Variants in SNED1 observed in about 807,000 individuals in gnomAD.
The protein encoded by SNED1 is sushi, nidogen and EGF like domains 1.
A neutral mutation model predicts 166.7 loss-of-function variants in SNED1; 81 were observed. The ratio of observed to expected loss-of-function variants is 0.49; its 90% CI spans 0.41 to 0.58. SNED1 has a LOEUF of 0.58. Among genes scored for constraint, SNED1 ranks in the 20% least tolerant of loss-of-function variants. The pLI is 0.00. For synonymous variants in SNED1, 762 were observed against 822.0 expected (o/e 0.93, Z 1.25); for missense variants, 1,604 against 2,000.2 (o/e 0.80, Z 3.78).
chr2:241,035,124 C>T (rs1052455929), intron 4 of SNED1, among the ~76,000 whole-genome samples: 20 of 152,094 alleles, frequency 1.3e-4, no homozygotes, highest in South Asian at 4.1e-4. Context: ...CCCTACTCTC[C>T]CCTTATTCCC....
chr2:241,020,716 C>A (rs1056858446), intron 1 of SNED1, among the ~76,000 whole-genome samples: 1 of 152,174 alleles, frequency 6.6e-6, no homozygotes, highest in African/African-American at 2.4e-5. Flanking sequence ...CAGTAGCCAC[C>A]CCACCTTAAA....
Position 241,073,350 on chromosome 2 carries a change from G to A in SNED1, c.3902G>A (p.Ser1301Asn), listed in dbSNP as rs2125253783. ...SLALQLPEHGSKDIGNVPGNC... is the reference protein window; with the variant it reads ...SLALQLPEHGNKDIGNVPGNC... ...GCCCTCCAGCTCCCTGAACACGGCA[G>A]CAAGGACATCGGAAGTGAGTCAGCA... is the stretch of plus-strand genomic sequence containing the variant. Residue 1301 changes from serine (S) to asparagine (N), a missense_variant, in exon 27 of 32, where the codon AGC (serine) becomes AAC (asparagine). This residue lies in a region of SNED1 where 367 missense variants were observed against 379.4 expected (regional missense o/e 0.97). Coordinates refer to ENST00000310397, the MANE Select transcript of SNED1 (RefSeq NM_001080437.3). This position sits in a 1 kb window ranked among gnomAD's most constrained non-coding sequence, Gnocchi z 6.6. 6.4e-7 allele frequency: 1 copy of A among 1,571,618 alleles called. No homozygotes were observed. Among genetic ancestry groups the A allele is most frequent in the Non-Finnish European group, 8.6e-7 (1 of 1,159,504 alleles).
Position 241,088,369 on chromosome 2 carries a change from C to T in SNED1, c.4210C>T (p.Gln1404Ter). The change falls in exon 31 of 32, where the codon CAA becomes TAA. Residue 1404 changes from glutamine (Q) to a stop codon, truncating the protein, a stop_gained. Coordinates refer to ENST00000310397, the MANE Select transcript of SNED1 (RefSeq NM_001080437.3). LOFTEE classifies it high-confidence loss of function. ...TSLKKTPNRK[Q>*]SKSQTLEKS ...ACTTTTCTCTAATTATTTCAGGAAACAAAGTAAGAGTCAGACACTGGAGAA... is the reference window on the plus strand; with the variant it reads ...ACTTTTCTCTAATTATTTCAGGAAATAAAGTAAGAGTCAGACACTGGAGAA... 6.2e-7 allele frequency: 1 copy of T among 1,609,388 alleles called. No individual in the cohort carries two copies. The highest frequency in any genetic ancestry group is 8.5e-7 in the Non-Finnish European group (1 of 1,175,686).
intron 6 of SNED1, among the ~76,000 whole-genome samples, 194 bp downstream of exon 6, chr2:241,037,547 G>A (rs1466309284): frequency 6.6e-6 from 1 of 152,218 alleles, no homozygotes; most frequent in Non-Finnish European, 1.5e-5. Context: ...TAGGGGGCAG[G>A]AGCCATGACC....
chr2:241,054,768 G>A (rs948673937), intron 16 of SNED1, among the ~76,000 whole-genome samples: 1 of 152,212 alleles, frequency 6.6e-6, no homozygotes, highest in African/African-American at 2.4e-5. Context: ...TGAGTTGAAA[G>A]ATCAGCTTGA....
At chr2:241,089,406 A>AAAC in intron 31 of SNED1, 1 of 1,550,498 alleles carries the variant, frequency 6.4e-7, no homozygotes, top group Non-Finnish European at 8.7e-7. Flanking sequence ...GAACCTTTAA[A>AAAC]AACAAACAGA....
chr2:241,052,409 G>A lies in SNED1; in HGVS notation c.2024G>A (p.Arg675Gln), dbSNP rs768817338. 6.6e-5 allele frequency: 106 copies of A among 1,603,696 alleles called. No individual in the cohort carries two copies. The highest frequency in any genetic ancestry group is 8.2e-5 in the Non-Finnish European group (96 of 1,174,856). ...PCVNGGTCED[R>Q]DTDFFCHCQA... Reference sequence around the variant, plus strand: ...GTGAATGGGGGCACCTGCGAGGACCGGGACACGGATTTCTTCTGCCACTGC... The same window carrying A: ...GTGAATGGGGGCACCTGCGAGGACCAGGACACGGATTTCTTCTGCCACTGC... Residue 675 changes from arginine to glutamine, a missense_variant, in exon 15 of 32, where the codon CGG becomes CAG. Transcript: ENST00000310397.
intron 31 of SNED1, 147 bp downstream of exon 31, chr2:241,088,549 C>A (rs1001379056): frequency 2.9e-6 from 2 of 681,388 alleles, no homozygotes; most frequent in Non-Finnish European, 5.1e-6. Context: ...GTTACAGACT[C>A]CCGGGCAGGA....
Position 241,064,729 on chromosome 2 carries a change from C to T in SNED1, c.2600-115C>T. The T allele has an allele frequency of 1.4e-6, 1 of 700,962 alleles. No homozygotes were observed. Among genetic ancestry groups the T allele is most frequent in the Non-Finnish European group, 2.3e-6 (1 of 430,590 alleles). 43.4% of individuals were successfully genotyped at this position (700,962 alleles called of 1,614,324 possible). On this transcript the variant is annotated intron_variant, in intron 19 of 31. Transcript: ENST00000310397. The surrounding 1 kb of genome is among the most constrained non-coding windows in gnomAD (Gnocchi z 7.0). ...AGGGAGGCAGTAGCTGTCCTGTGCCCCCCGCCCCTCCACACCCACGCAGGA... is the reference window on the plus strand; with the variant it reads ...AGGGAGGCAGTAGCTGTCCTGTGCCTCCCGCCCCTCCACACCCACGCAGGA...
At chr2:241,031,491 C>T (rs1254261512) in intron 2 of SNED1, among the ~76,000 whole-genome samples, 1 of 152,240 alleles carries the variant, frequency 6.6e-6, no homozygotes, top group Non-Finnish European at 1.5e-5. Flanking sequence ...GCAGACAGCC[C>T]TGGACGAAGC....
At chr2:241,011,017 C>T (rs898015611) in intron 1 of SNED1, among the ~76,000 whole-genome samples, 5 of 152,032 alleles carry the variant, frequency 3.3e-5, no homozygotes, top group Admixed American at 3.3e-4. Context: ...CATCTCTACC[C>T]TGCAGACCCA....
At chr2:241,056,025 T>G (rs1424875582) in intron 16 of SNED1, among the ~76,000 whole-genome samples, 1 of 149,242 alleles carries the variant, frequency 6.7e-6, no homozygotes, top group African/African-American at 2.6e-5. Context: ...ACTGTTCTTA[T>G]ACGCACTATG....
At chr2:241,055,099 A>G (rs190649259) in intron 16 of SNED1, among the ~76,000 whole-genome samples, 17 of 151,806 alleles carry the variant, frequency 1.1e-4, no homozygotes, top group Admixed American at 9.8e-4. Context: ...CTTGGGTGAT[A>G]GAGTAAGACT....
upstream of SNED1, among the ~76,000 whole-genome samples, chr2:240,998,274 G>A (rs1287924893): frequency 6.6e-6 from 1 of 152,260 alleles, no homozygotes; most frequent in African/African-American, 2.4e-5. Flanking sequence ...GGTTCATTCA[G>A]GCACTGCCTG....
At chr2:241,042,140 G>A (rs927855228) in intron 8 of SNED1, among the ~76,000 whole-genome samples, 4 of 152,148 alleles carry the variant, frequency 2.6e-5, no homozygotes, top group African/African-American at 9.7e-5. Flanking sequence ...TGGTGCTCCT[G>A]AGGCAGGAGG....
intron 21 of SNED1, among the ~76,000 whole-genome samples, chr2:241,067,126 G>A (rs2062488134): frequency 6.6e-6 from 1 of 152,212 alleles, no homozygotes; most frequent in Admixed American, 6.5e-5. Flanking sequence ...AGCCCGCCCT[G>A]CCCGCTGCAG....
intron 12 of SNED1, among the ~76,000 whole-genome samples, chr2:241,050,606 T>G (rs1247101844): frequency 6.6e-6 from 1 of 152,214 alleles, no homozygotes. Flanking sequence ...CCCTGAAGTC[T>G]GAGCCCTGGA....
At chr2:241,066,224 G>A (rs552566991) in intron 21 of SNED1, among the ~76,000 whole-genome samples, 1 of 152,268 alleles carries the variant, frequency 6.6e-6, no homozygotes, top group Admixed American at 6.5e-5. Flanking sequence ...TGCAGGGGAG[G>A]CCCGGGTTGT....
chr2:241,067,819 A>G lies in SNED1; in HGVS notation c.3066A>G (p.Ser1022=). The change falls in exon 22 of 32, where the codon TCA becomes TCG. Residue 1022 remains serine (S), a synonymous_variant. Transcript: ENST00000310397. ...EVTNVTASTI[S]VQWALHRIRH... The stretch of plus-strand genomic sequence containing the variant: ...CCAATGTGACGGCTAGCACCATCTC[A>G]GTGCAGTGGGCCCTGCACAGGATCC... 6.2e-7 allele frequency: 1 copy of G among 1,613,406 alleles called. No homozygotes were observed. The highest frequency in any genetic ancestry group is 8.5e-7 in the Non-Finnish European group (1 of 1,179,714).
Sources: allele counts gnomAD v4.1 joint callset (sites outside exome capture counted in the v4.1 genomes callset), GRCh38; gene constraint gnomAD v4.1.1; regional missense constraint gnomAD v4.1.1; non-coding constraint Gnocchi (gnomAD v3.1); transcripts MANE v1.5; gene names NCBI Gene and HGNC (gene_info 2026-07-23, HGNC 2026-07-21).